Variants in CSMD1 observed in about 807,000 individuals in gnomAD.
CSMD1 encodes the protein CUB and Sushi multiple domains 1.
CSMD1 carries 213 observed loss-of-function variants against 417.5 expected under a neutral mutation model. That is an observed-to-expected ratio of 0.51 (90% confidence interval 0.46 to 0.57). The LOEUF (loss-of-function observed/expected upper bound fraction) is 0.57, where lower values mean the gene tolerates loss of function less well. Among genes scored for constraint, CSMD1 ranks in the 20% least tolerant of loss-of-function variants. CSMD1 has a pLI of 0.00. For synonymous variants in CSMD1, 2,862 were observed against 1,736.8 expected (o/e 1.65, Z -16.11); for missense variants, 6,923 against 4,529.7 (o/e 1.53, Z -15.17).
chr8:3,221,493 A>C (rs1467575050), intron 28 of CSMD1, among the ~76,000 whole-genome samples: 2 of 151,980 alleles, frequency 1.3e-5, no homozygotes, highest in Non-Finnish European at 2.9e-5. Context: ...CATTATTGGT[A>C]ATTTATGCAA....
chr8:4,989,791 C>T (rs547684238), intron 1 of CSMD1, among the ~76,000 whole-genome samples: 3 of 152,316 alleles, frequency 2.0e-5, no homozygotes, highest in African/African-American at 7.2e-5. Context: ...ACTGGGTTTG[C>T]TGTATCGTCT....
intron 3 of CSMD1, among the ~76,000 whole-genome samples, chr8:4,161,718 C>T (rs891717115): frequency 2.0e-5 from 3 of 152,096 alleles, no homozygotes; most frequent in Non-Finnish European, 4.4e-5. Context: ...ATAAGAAAAC[C>T]ATTGCTGCCA....
intron 3 of CSMD1, among the ~76,000 whole-genome samples, chr8:4,324,995 T>G (rs896421146): frequency 6.6e-6 from 1 of 152,126 alleles, no homozygotes; most frequent in Non-Finnish European, 1.5e-5. Flanking sequence ...ATCATTGCAT[T>G]CCTGGTGTGG....
chr8:3,114,354 T>C (rs988760994), intron 42 of CSMD1, among the ~76,000 whole-genome samples: 2 of 151,742 alleles, frequency 1.3e-5, no homozygotes, highest in African/African-American at 4.8e-5. Context: ...TTAAGTTTTT[T>C]GCCTAAACAA....
intron 26 of CSMD1, among the ~76,000 whole-genome samples, chr8:3,238,015 C>T (rs1004105950): frequency 1.8e-4 from 28 of 151,392 alleles, no homozygotes; most frequent in African/African-American, 6.5e-4. Context: ...TGTGAAGAGA[C>T]CACCAAACAG....
chr8:4,193,804 G>A (rs1405961252), intron 3 of CSMD1, among the ~76,000 whole-genome samples: 1 of 152,028 alleles, frequency 6.6e-6, no homozygotes. Context: ...GGATGCTATG[G>A]CGAGAAGAGC....
intron 5 of CSMD1, among the ~76,000 whole-genome samples, chr8:3,969,524 T>G (rs1037200220): frequency 1.3e-5 from 2 of 152,176 alleles, no homozygotes; most frequent in Admixed American, 1.3e-4. Flanking sequence ...TTTAACTTGG[T>G]GAAATCTCTG....
Position 4,435,425 on chromosome 8 carries a change from G to C in CSMD1, c.303-15360C>G, listed in dbSNP as rs934457888. Among the ~76,000 whole-genome samples, 5 of 152,162 alleles carry C rather than the reference G, an allele frequency of 3.3e-5. No homozygotes were observed. The East Asian group carries it at 5.8e-4, about 18-fold the overall frequency. ...CCAAAGAAGTCACCATGCAGGCCCA[G>C]AGTTTGTCTAGTTTTGTTAAACTTA... On this transcript the variant is annotated intron_variant, in intron 2 of 69. Coordinates refer to ENST00000635120, the MANE Select transcript of CSMD1 (RefSeq NM_033225.6).
chr8:3,570,564 G>A (rs113212790), intron 10 of CSMD1, among the ~76,000 whole-genome samples: 1 of 3,498 alleles, frequency 2.9e-4, no homozygotes, highest in South Asian at 2.9e-3. Flanking sequence ...CTCTAGAGAG[G>A]GGGCAGGAAA....
At chr8:4,941,206 G>C (rs180690836) in intron 1 of CSMD1, among the ~76,000 whole-genome samples, 8 of 152,088 alleles carry the variant, frequency 5.3e-5, no homozygotes, top group African/African-American at 9.7e-5. Context: ...ATTCATTCTT[G>C]TTTCAAAACA....
intron 1 of CSMD1, among the ~76,000 whole-genome samples, chr8:4,977,153 T>C (rs1192705607): frequency 6.6e-6 from 1 of 152,220 alleles, no homozygotes; most frequent in African/African-American, 2.4e-5. Context: ...TAATGATCAT[T>C]TGTTTTGAAC....
At chr8:3,553,588 A>T (rs184616299) in intron 10 of CSMD1, among the ~76,000 whole-genome samples, 5 of 152,372 alleles carry the variant, frequency 3.3e-5, no homozygotes, top group Non-Finnish European at 5.9e-5. Context: ...TTATCAGAAC[A>T]TAAACCATAA....
chr8:4,621,877 T>C (rs1585344311), intron 2 of CSMD1, among the ~76,000 whole-genome samples: 1 of 151,984 alleles, frequency 6.6e-6, no homozygotes, highest in South Asian at 2.1e-4. Flanking sequence ...GATTAAAATT[T>C]CACAAAACTA....
intron 2 of CSMD1, among the ~76,000 whole-genome samples, chr8:4,561,832 G>T (rs756852079): frequency 6.6e-6 from 1 of 152,208 alleles, no homozygotes; most frequent in Non-Finnish European, 1.5e-5. Context: ...CTGCTGAGGG[G>T]ATGGAGTCCC....
intron 3 of CSMD1, among the ~76,000 whole-genome samples, chr8:4,296,045 A>G (rs1254701331): frequency 6.6e-6 from 1 of 152,112 alleles, no homozygotes; most frequent in Non-Finnish European, 1.5e-5. Flanking sequence ...TCTAATTGCA[A>G]AAAAGACTGA....
intron 1 of CSMD1, among the ~76,000 whole-genome samples, chr8:4,958,060 G>T (rs7017888): frequency 0.71 from 107,360 of 152,080 alleles, 38,962 homozygotes; most frequent in Non-Finnish European, 0.79. Context: ...TTTGATAAGA[G>T]GGAGCTTCAT....
At chr8:3,978,742 G>C (rs950243318) in intron 5 of CSMD1, among the ~76,000 whole-genome samples, 2 of 152,102 alleles carry the variant, frequency 1.3e-5, no homozygotes, top group African/African-American at 4.8e-5. Context: ...CATATCCCCA[G>C]CATACGACAT....
At chr8:3,563,442 TAAA>T (rs60108067) in intron 10 of CSMD1, among the ~76,000 whole-genome samples, 2 of 62,768 alleles carry the variant, frequency 3.2e-5, no homozygotes, top group African/African-American at 1.2e-4. Context: ...TATTAAAAGG[TAAA>T]AAAAAAAAAA....
chr8:3,711,474 G>A lies in CSMD1; in HGVS notation c.932-2983C>T, dbSNP rs549631032. On this transcript the variant is annotated intron_variant, in intron 6 of 69. Transcript: ENST00000635120. Reference sequence around the variant, plus strand: ...CCAGGTCCAACCCCAACCAAAGGGCGCTGGTTCATGAACGTCCTGCACTAC... The same window carrying A: ...CCAGGTCCAACCCCAACCAAAGGGCACTGGTTCATGAACGTCCTGCACTAC... Among the ~76,000 whole-genome samples, 24 of 152,282 alleles carry A rather than the reference G, an allele frequency of 1.6e-4. No individual in the cohort carries two copies. In the South Asian group the frequency reaches 2.1e-3, roughly 13 times the overall value.
Sources: allele counts gnomAD v4.1 joint callset (sites outside exome capture counted in the v4.1 genomes callset), GRCh38; gene constraint gnomAD v4.1.1; transcripts MANE v1.5; gene names NCBI Gene and HGNC (gene_info 2026-07-23, HGNC 2026-07-21).